Variants in SFMBT1 observed in about 807,000 individuals in gnomAD.
The protein encoded by SFMBT1 is scm-like with four MBT domains protein 1.
Under a neutral mutation model 108.7 loss-of-function variants are expected in SFMBT1, and 32 were observed. The ratio of observed to expected loss-of-function variants is 0.29; its 90% confidence interval spans 0.22 to 0.40. The LOEUF (loss-of-function observed/expected upper bound fraction) is 0.40. Ranked by LOEUF, SFMBT1 falls within the 10% of genes least tolerant of loss-of-function variation. SFMBT1 has a pLI of 1.00. For missense variants in SFMBT1, 816 were observed against 1,059.6 expected (o/e 0.77, Z 3.19); for synonymous variants, 348 against 369.5 (o/e 0.94, Z 0.67).
chr3:52,988,164 A>G (rs1361732375), intron 1 of SFMBT1, among the ~76,000 whole-genome samples: 1 of 152,236 alleles, frequency 6.6e-6, no homozygotes, highest in Non-Finnish European at 1.5e-5. Context: ...ACTCGTGATT[A>G]TAAGAGAGGA....
intron 1 of SFMBT1, among the ~76,000 whole-genome samples, chr3:52,974,302 C>T (rs1704442672): frequency 6.6e-6 from 1 of 152,130 alleles, no homozygotes; most frequent in Admixed American, 6.5e-5. Flanking sequence ...ATACTAATTG[C>T]AACAATTCAG....
At chr3:52,999,401 A>G (rs1698460174) in intron 1 of SFMBT1, among the ~76,000 whole-genome samples, 1 of 150,408 alleles carries the variant, frequency 6.6e-6, no homozygotes, top group African/African-American at 2.4e-5. Flanking sequence ...CAAGTCCTGG[A>G]CCTGGCCCTG....
chr3:53,009,057 C>G (rs572647142), intron 1 of SFMBT1, among the ~76,000 whole-genome samples: 1 of 151,946 alleles, frequency 6.6e-6, no homozygotes, highest in Non-Finnish European at 1.5e-5. Context: ...GGGAGGATCA[C>G]TTGAGCCCAG....
intron 15 of SFMBT1, among the ~76,000 whole-genome samples, chr3:52,913,167 C>A (rs1032445047): frequency 2.0e-5 from 3 of 152,206 alleles, no homozygotes; most frequent in African/African-American, 4.8e-5. Context: ...GTTAATGCCA[C>A]ATAGCCACGG....
At chr3:52,934,678 C>T (rs901489049) in intron 5 of SFMBT1, 135 bp downstream of exon 5, 2 of 634,894 alleles carry the variant, frequency 3.2e-6, no homozygotes, top group African/African-American at 3.7e-5. Flanking sequence ...TAAGTTTAAA[C>T]TTCCCAATAC....
At chr3:53,035,143 G>A (rs758168994) in intron 1 of SFMBT1, among the ~76,000 whole-genome samples, 1 of 152,112 alleles carries the variant, frequency 6.6e-6, no homozygotes, top group Non-Finnish European at 1.5e-5. Context: ...AAATGGACTG[G>A]GCCTGAGTGC....
intron 4 of SFMBT1, among the ~76,000 whole-genome samples, chr3:52,935,246 C>T (rs977317051): frequency 2.6e-5 from 4 of 152,206 alleles, no homozygotes; most frequent in South Asian, 2.1e-4. Flanking sequence ...AGTGCCCTGG[C>T]GTCAACAACT....
At chr3:53,018,845 T>C (rs969703316) in intron 1 of SFMBT1, among the ~76,000 whole-genome samples, 1 of 152,200 alleles carries the variant, frequency 6.6e-6, no homozygotes, top group Non-Finnish European at 1.5e-5. Flanking sequence ...TCTCCTGGTT[T>C]TCCTTCTTCC....
intron 1 of SFMBT1, among the ~76,000 whole-genome samples, chr3:52,981,544 T>TC: frequency 6.7e-6 from 1 of 150,286 alleles, no homozygotes; most frequent in East Asian, 2.0e-4. Flanking sequence ...TTTTTTTTTT[T>TC]TTTTTTTACT....
At chr3:53,040,613 C>T (rs995247945) in intron 1 of SFMBT1, among the ~76,000 whole-genome samples, 1 of 149,790 alleles carries the variant, frequency 6.7e-6, no homozygotes, top group African/African-American at 2.5e-5. Context: ...ATGCACCAGA[C>T]CAGTATGCCA....
At chr3:52,910,651 G>C (rs1446813347) in intron 17 of SFMBT1, among the ~76,000 whole-genome samples, 1 of 152,104 alleles carries the variant, frequency 6.6e-6, no homozygotes, top group African/African-American at 2.4e-5. Flanking sequence ...ACCACACCCA[G>C]CTAGTTTTTC....
At chr3:52,952,842 A>G (rs1338438873) in intron 3 of SFMBT1, among the ~76,000 whole-genome samples, 1 of 152,206 alleles carries the variant, frequency 6.6e-6, no homozygotes, top group African/African-American at 2.4e-5. Context: ...AAACATTTAG[A>G]GGTCATAAGG....
chr3:52,925,129 G>A (rs1263655973), intron 10 of SFMBT1, among the ~76,000 whole-genome samples: 6 of 152,096 alleles, frequency 3.9e-5, no homozygotes, highest in Non-Finnish European at 8.8e-5. Flanking sequence ...GCCGAGGCAG[G>A]AGAATCTCTT....
intron 1 of SFMBT1, among the ~76,000 whole-genome samples, chr3:52,982,387 G>C (rs763712701): frequency 7.2e-5 from 11 of 152,156 alleles, no homozygotes; most frequent in Non-Finnish European, 1.6e-4. Flanking sequence ...CAAAAATCAT[G>C]AAAGAGGTTG....
At chr3:52,916,355 A>AAT in intron 13 of SFMBT1, 141 bp from the exon 14 acceptor site, 1 of 450,968 alleles carries the variant, frequency 2.2e-6, no homozygotes, top group Non-Finnish European at 3.7e-6. Context: ...CCTTGATGAT[A>AAT]CTTTTTTTTT....
chr3:53,029,997 A>G (rs1156977468), intron 1 of SFMBT1, among the ~76,000 whole-genome samples: 2 of 151,400 alleles, frequency 1.3e-5, no homozygotes, highest in Non-Finnish European at 3.0e-5. Context: ...ACTAACTTAG[A>G]AAAAAAAACC....
At chr3:53,012,990 CA>C (rs151332802) in intron 1 of SFMBT1, among the ~76,000 whole-genome samples, 3 of 151,268 alleles carry the variant, frequency 2.0e-5, no homozygotes, top group African/African-American at 2.5e-5. Context: ...AACAAAAATA[CA>C]AAAAAACCCA....
chr3:52,947,795 C>T (rs1461253815), intron 3 of SFMBT1, among the ~76,000 whole-genome samples: 2 of 151,204 alleles, frequency 1.3e-5, no homozygotes, highest in African/African-American at 2.4e-5. Flanking sequence ...AGTGCAGTGG[C>T]GCGATCTCAG....
At chr3:53,027,401 G>C (rs1166223834) in intron 1 of SFMBT1, among the ~76,000 whole-genome samples, 1 of 152,096 alleles carries the variant, frequency 6.6e-6, no homozygotes, top group Non-Finnish European at 1.5e-5. Context: ...CTCTAGGCCA[G>C]GGAACTTACT....
Sources: allele counts gnomAD v4.1 joint callset (sites outside exome capture counted in the v4.1 genomes callset), GRCh38; gene constraint gnomAD v4.1.1; transcripts MANE v1.5; gene names NCBI Gene and HGNC (gene_info 2026-07-23, HGNC 2026-07-21).